MYO9A: variants seen among roughly 807,000 people sequenced by gnomAD.
MYO9A encodes myosin IXA, also known as unconventional myosin-IXa.
In MYO9A, 103 loss-of-function variants were observed where a neutral mutation model predicts 293.3. The observed-to-expected ratio is 0.35, with a 90% CI of 0.30 to 0.41. The LOEUF (loss-of-function observed/expected upper bound fraction) is 0.41. Ranked by LOEUF, MYO9A falls within the 10% of genes least tolerant of loss-of-function variation. MYO9A has a pLI of 1.00. For synonymous variants in MYO9A, 1,001 were observed against 1,035.7 expected (o/e 0.97, Z 0.64); for missense variants, 2,685 against 3,033.0 (o/e 0.89, Z 2.69).
Position 71,916,500 on chromosome 15 carries a change from A to G in MYO9A, c.2563-8T>C. 1 of 1,589,118 alleles carries G rather than the reference A, an allele frequency of 6.3e-7. No individual in the cohort carries two copies. Among genetic ancestry groups the G allele is most frequent in the Non-Finnish European group, 8.5e-7 (1 of 1,173,850 alleles). ...ATTTACTTCTAGCAAGTGCTGAAAG[A>G]AGAGAAAAAATAAATTGCTCACATA... is the stretch of plus-strand genomic sequence containing the variant. On this transcript the variant is annotated splice_region_variant and splice_polypyrimidine_tract_variant and intron_variant, in intron 18 of 41. Coordinates refer to ENST00000356056, the MANE Select transcript of MYO9A (RefSeq NM_006901.4).
At chr15:71,983,564 C>T (rs1048102356) in intron 11 of MYO9A, among the ~76,000 whole-genome samples, 1 of 148,296 alleles carries the variant, frequency 6.7e-6, no homozygotes, top group East Asian at 2.0e-4. Flanking sequence ...GGAACTTCCG[C>T]GAACCCTTCC....
chr15:72,018,376 G>A (rs1473494464), intron 6 of MYO9A, among the ~76,000 whole-genome samples: 2 of 152,136 alleles, frequency 1.3e-5, no homozygotes, highest in African/African-American at 4.8e-5. Flanking sequence ...GCTGAGGCAT[G>A]AGAATCGCTA....
rs1595972854 is a variant in MYO9A at position 71,826,678 on chromosome 15, C to G, written c.7549G>C (p.Glu2517Gln). ...NSPQKTKETP[E>Q]GTVMSGRRKT... ...CTGCGGCCAGACATGACTGTCCCCT[C>G]TGGGGTCTCTTTGGTTTTCTGAGGT... Residue 2517 changes from glutamate (E) to glutamine (Q), a missense_variant, in exon 42 of 42, where the codon GAG (glutamate) becomes CAG (glutamine). Glu to Gln is a conservative substitution (Grantham distance 29, BLOSUM62 2). This residue lies in a region of MYO9A where 350 missense variants were observed against 328.9 expected (regional missense o/e 1.06). Transcript: ENST00000356056. 1 of 1,614,088 alleles carries G rather than the reference C, an allele frequency of 6.2e-7. No individual in the cohort carries two copies. The highest frequency in any genetic ancestry group is 1.1e-5 in the South Asian group (1 of 91,078).
chr15:72,117,660 G>C lies in MYO9A; in HGVS notation c.-72+20C>G, dbSNP rs1414050459. Reference sequence around the variant, plus strand: ...GCCAGGACGGGCTGCAGGGCCGCTGGGCGCTTGGGCGGGTCTTACCTCGGG... The same window carrying C: ...GCCAGGACGGGCTGCAGGGCCGCTGCGCGCTTGGGCGGGTCTTACCTCGGG... On this transcript the variant is annotated intron_variant, in intron 1 of 41. Transcript: ENST00000356056. 2.5e-6 allele frequency: 1 copy of C among 396,104 alleles called. No individual in the cohort carries two copies. The highest frequency in any genetic ancestry group is 4.4e-6 in the Non-Finnish European group (1 of 224,934). The allele number at this position is 396,104 out of a possible 1,614,324, so 24.5% of individuals were successfully genotyped here.
chr15:72,082,183 G>A (rs1217328219), intron 1 of MYO9A, among the ~76,000 whole-genome samples: 1 of 152,120 alleles, frequency 6.6e-6, no homozygotes, highest in Non-Finnish European at 1.5e-5. Context: ...CTATTAGTTT[G>A]TGTCATCTCT....
intron 11 of MYO9A, among the ~76,000 whole-genome samples, chr15:71,989,022 G>A (rs2076473397): frequency 6.6e-6 from 1 of 152,058 alleles, no homozygotes. Context: ...AGCCTCCTTA[G>A]TAGCTGGGAT....
intron 1 of MYO9A, among the ~76,000 whole-genome samples, chr15:72,101,881 C>T (rs1421457512): frequency 4.6e-5 from 7 of 151,788 alleles, no homozygotes; most frequent in African/African-American, 1.4e-4. Flanking sequence ...GGTCAGCCCC[C>T]GACCGGCCAG....
chr15:71,957,165 C>T (rs1310587049), intron 14 of MYO9A, among the ~76,000 whole-genome samples: 4 of 152,140 alleles, frequency 2.6e-5, no homozygotes, highest in Non-Finnish European at 4.4e-5. Context: ...ACTGCCAAAA[C>T]GTATTACGGA....
At chr15:72,007,358 G>A (rs1281980353) in intron 8 of MYO9A, among the ~76,000 whole-genome samples, 1 of 150,754 alleles carries the variant, frequency 6.6e-6, no homozygotes, top group Admixed American at 6.6e-5. Context: ...CATGGTAGGA[G>A]ATGAGAACCT....
intron 1 of MYO9A, among the ~76,000 whole-genome samples, chr15:72,074,572 T>C (rs28653163): frequency 0.051 from 7,825 of 152,188 alleles, 332 homozygotes; most frequent in East Asian, 0.18. Context: ...TCCAAAGAAG[T>C]CCCACAAGTA....
At chr15:72,029,516 G>A (rs939171922) in intron 3 of MYO9A, among the ~76,000 whole-genome samples, 1 of 152,108 alleles carries the variant, frequency 6.6e-6, no homozygotes, top group African/African-American at 2.4e-5. Context: ...TAAAAATAGG[G>A]TATTAAAATC....
intron 14 of MYO9A, 67 bp downstream of exon 14, chr15:71,959,834 G>C (rs898660243): frequency 7.5e-7 from 1 of 1,336,976 alleles, no homozygotes; most frequent in East Asian, 2.5e-5. Flanking sequence ...CCTTTTTGTG[G>C]AGAAGTAGAA....
At chr15:71,924,777 G>A (rs1021283577) in intron 18 of MYO9A, among the ~76,000 whole-genome samples, 2 of 151,864 alleles carry the variant, frequency 1.3e-5, no homozygotes, top group Non-Finnish European at 2.9e-5. Context: ...AAAAGTAGCC[G>A]GGTGTGGTGA....
rs2076352234 is a variant in MYO9A, at chr15:71,984,229, G to C, written c.1723-5937C>G. 3.9e-5 allele frequency among the ~76,000 whole-genome samples: 6 copies of C among 152,152 alleles called. No individual in the cohort carries two copies. The South Asian group carries it at 1.2e-3, about 31-fold the overall frequency. ...GTGTTCTGAGCACATTTAATGTCCT[G>C]CACATTTAAGGTAGGCTATGTCAAG... On this transcript the variant is annotated intron_variant, in intron 11 of 41. Coordinates refer to ENST00000356056, the MANE Select transcript of MYO9A (RefSeq NM_006901.4).
chr15:71,882,180 G>A (rs1378187954), intron 28 of MYO9A, among the ~76,000 whole-genome samples: 2 of 152,076 alleles, frequency 1.3e-5, no homozygotes, highest in Non-Finnish European at 2.9e-5. Flanking sequence ...GTTCTATCCT[G>A]CCTTAAGCTT....
chr15:72,052,937 C>T (rs996892118), intron 1 of MYO9A, among the ~76,000 whole-genome samples: 1 of 151,310 alleles, frequency 6.6e-6, no homozygotes, highest in Non-Finnish European at 1.5e-5. Context: ...CAGGCAGAGG[C>T]GCCAGTGGCC....
At chr15:72,080,283 A>G (rs1360634895) in intron 1 of MYO9A, among the ~76,000 whole-genome samples, 2 of 147,696 alleles carry the variant, frequency 1.4e-5, no homozygotes, top group African/African-American at 5.1e-5. Flanking sequence ...ACAACGTACC[A>G]ATCAATAAAC....
chr15:71,905,447 TTC>T (rs1413101207), intron 19 of MYO9A, among the ~76,000 whole-genome samples: 1 of 152,128 alleles, frequency 6.6e-6, no homozygotes, highest in African/African-American at 2.4e-5. Flanking sequence ...AATTTGCACA[TTC>T]TCTCTTTCTT....
chr15:72,061,978 G>A (rs985757873), intron 1 of MYO9A, among the ~76,000 whole-genome samples: 2 of 152,116 alleles, frequency 1.3e-5, no homozygotes, highest in African/African-American at 4.8e-5. Flanking sequence ...CCCAATTCCA[G>A]GCAGCTCAGC....
Sources: allele counts gnomAD v4.1 joint callset (sites outside exome capture counted in the v4.1 genomes callset), GRCh38; gene constraint gnomAD v4.1.1; regional missense constraint gnomAD v4.1.1; transcripts MANE v1.5; gene names NCBI Gene and HGNC (gene_info 2026-07-23, HGNC 2026-07-21).